TATDN1: variants seen among roughly 807,000 people sequenced by gnomAD.
TATDN1 encodes the protein TatD DNase domain containing 1, also known as deoxyribonuclease TATDN1.
TATDN1 carries 40 observed loss-of-function variants against 46.4 expected under a neutral mutation model. The ratio of observed to expected loss-of-function variants is 0.86; its 90% CI spans 0.67 to 1.12. The LOEUF is 1.12. TATDN1 is among the 50% of genes most tolerant of loss of function. The probability of loss-of-function intolerance (pLI) is 0.00; values close to 1 mark genes in which losing one functional copy is unlikely to be tolerated. For synonymous variants in TATDN1, 95 were observed against 105.6 expected, an observed-to-expected ratio of 0.90 and a Z score of 0.62; for missense variants, 326 against 348.4, an observed-to-expected ratio of 0.94 and a Z score of 0.51.
At chr8:124,499,188 G>C (rs1817735605) in intron 9 of TATDN1, among the ~76,000 whole-genome samples, 2 of 151,876 alleles carry the variant, frequency 1.3e-5, no homozygotes, top group Admixed American at 6.6e-5. Flanking sequence ...AGGAGGGGTG[G>C]GTGAGATGTC....
intron 9 of TATDN1, among the ~76,000 whole-genome samples, chr8:124,499,227 G>A (rs1817737749): frequency 6.6e-6 from 1 of 152,030 alleles, no homozygotes; most frequent in Admixed American, 6.6e-5. Context: ...AGCAATTAGT[G>A]CTCTCTAGAA....
At chr8:124,520,413 G>A (rs979362346) in intron 3 of TATDN1, among the ~76,000 whole-genome samples, 18 of 151,698 alleles carry the variant, frequency 1.2e-4, no homozygotes, top group Admixed American at 4.6e-4. Flanking sequence ...CTCCAGCCTG[G>A]GGGACAGAGC....
chr8:124,538,576 G>A (rs1821701852), intron 1 of TATDN1: 2 of 217,752 alleles, frequency 9.2e-6, no homozygotes, highest in South Asian at 1.2e-4. Flanking sequence ...TCCTAGGCCA[G>A]TGCCAGGCCC....
chr8:124,501,383 G>A (rs371362312), intron 9 of TATDN1, among the ~76,000 whole-genome samples: 26 of 152,016 alleles, frequency 1.7e-4, no homozygotes, highest in African/African-American at 5.1e-4. Context: ...CCAGTTGCTG[G>A]AATGCCTTCT....
chr8:124,530,678 C>G (rs1026534724), intron 1 of TATDN1, among the ~76,000 whole-genome samples: 1 of 152,166 alleles, frequency 6.6e-6, no homozygotes, highest in African/African-American at 2.4e-5. Context: ...AAGCCCTGCT[C>G]AGTTCTGATA....
At chr8:124,522,410 A>G (rs1291263951) in intron 2 of TATDN1, among the ~76,000 whole-genome samples, 1 of 152,144 alleles carries the variant, frequency 6.6e-6, no homozygotes, top group Non-Finnish European at 1.5e-5. Context: ...TTTATCCAAA[A>G]TGCATAATGA....
At chr8:124,514,571 C>A (rs1819296424) in intron 6 of TATDN1, among the ~76,000 whole-genome samples, 1 of 152,120 alleles carries the variant, frequency 6.6e-6, no homozygotes. Context: ...ACACAGTACT[C>A]CATAAATATT....
rs1288145609 is a variant in TATDN1 at position 124,519,653 on chromosome 8, G to A, written c.139-772C>T. On this transcript the variant is annotated intron_variant, in intron 3 of 11. Coordinates refer to ENST00000276692, the MANE Select transcript of TATDN1 (RefSeq NM_032026.4). ...CTCACACAAACAAAAGCTCTTTGGG[G>A]GTCCTCAATAATAAAGAATGTGAAG... 3.3e-5 allele frequency among the ~76,000 whole-genome samples: 5 copies of A among 152,086 alleles called. No individual in the cohort carries two copies. The South Asian group carries it at 6.2e-4, about 19-fold the overall frequency.
At chr8:124,525,591 T>A (rs79765402) in intron 1 of TATDN1, among the ~76,000 whole-genome samples, 1 of 152,052 alleles carries the variant, frequency 6.6e-6, no homozygotes, top group African/African-American at 2.4e-5. Flanking sequence ...AAAATGTGGC[T>A]CAAAACCAAA....
In TATDN1 at chr8:124,504,403, A is replaced by G. The variant is rs1586591466; in HGVS notation, c.517-56T>C. On this transcript the variant is annotated intron_variant, in intron 8 of 11. Transcript: ENST00000276692. ...ATAATAATTACTCTTTAAAATTCTA[A>G]GTGACATTAATAAGACTTTGTAGGC... is the stretch of plus-strand genomic sequence containing the variant. The G allele has an allele frequency of 3.9e-6, 5 of 1,284,906 alleles. No homozygotes were observed. In the East Asian group the frequency reaches 1.3e-4, roughly 34 times the overall value. 79.6% of individuals were successfully genotyped at this position (1,284,906 alleles called of 1,614,324 possible). A position where few individuals can be genotyped will look rare whatever the true frequency, so the allele number is the denominator to read the frequency against.
chr8:124,510,639 C>T (rs1447228091), intron 6 of TATDN1, among the ~76,000 whole-genome samples: 1 of 151,808 alleles, frequency 6.6e-6, no homozygotes, highest in Non-Finnish European at 1.5e-5. Context: ...ACCTGGGCAA[C>T]ATGGTGAAAC....
At chr8:124,525,763 G>GA (rs1465293678) in intron 1 of TATDN1, among the ~76,000 whole-genome samples, 1 of 152,118 alleles carries the variant, frequency 6.6e-6, no homozygotes. Context: ...CCCGATCCAA[G>GA]AATGCATTAT....
chr8:124,523,266 T>C, intron 1 of TATDN1: 1 of 395,526 alleles, frequency 2.5e-6, no homozygotes, highest in Admixed American at 4.2e-5. Flanking sequence ...AAGTAAACAC[T>C]GGTACTATGG....
At chr8:124,524,661 C>G (rs10112325) in intron 1 of TATDN1, among the ~76,000 whole-genome samples, 1 of 152,106 alleles carries the variant, frequency 6.6e-6, no homozygotes, top group Admixed American at 6.5e-5. Context: ...TCTGAGGAAG[C>G]CTTTATTCAA....
chr8:124,530,482 G>A (rs568398364), intron 1 of TATDN1, among the ~76,000 whole-genome samples: 2 of 152,300 alleles, frequency 1.3e-5, no homozygotes, highest in South Asian at 2.1e-4. Context: ...AGGTGACAGT[G>A]CAGGTATGAG....
At chr8:124,535,330 T>C (rs866729609) in intron 1 of TATDN1, among the ~76,000 whole-genome samples, 3 of 152,222 alleles carry the variant, frequency 2.0e-5, no homozygotes, top group South Asian at 4.1e-4. Flanking sequence ...ATAGCTGCAA[T>C]AGAGATCACG....
rs757193108 is a variant in TATDN1, at chr8:124,539,075, A to G, written c.-29T>C. The G allele has an allele frequency of 6.8e-6, 11 of 1,611,896 alleles. No individual in the cohort carries two copies. The highest frequency in any genetic ancestry group is 1.3e-5 in the African/African-American group (1 of 75,006). On this transcript the variant is annotated 5_prime_UTR_variant, in exon 1 of 12. Transcript: ENST00000276692. ...TGCGCATGGAGGACCTCCCCAGCGG[A>G]AGCGGAAGTGGCCGCCGGCAACTCC... is the stretch of plus-strand genomic sequence containing the variant.
intron 11 of TATDN1, 112 bp downstream of exon 11, chr8:124,493,716 GAACCT>G: frequency 1.6e-6 from 2 of 1,223,454 alleles, no homozygotes; most frequent in Non-Finnish European, 1.1e-6. Flanking sequence ...TGGTGGTCTT[GAACCT>G]GAACTTCACT....
In TATDN1 at chr8:124,504,261, A is replaced by C; in HGVS notation, c.593+10T>G. On this transcript the variant is annotated intron_variant, in intron 9 of 11. Transcript: ENST00000276692. ...TAAAAGTTAAAAACCAAAGCAACCTAAGAACGTACCAACCATTAAATCCTA... is the reference window on the plus strand; with the variant it reads ...TAAAAGTTAAAAACCAAAGCAACCTCAGAACGTACCAACCATTAAATCCTA... 6.3e-7 allele frequency: 1 copy of C among 1,585,854 alleles called. No homozygotes were observed. The highest frequency in any genetic ancestry group is 8.6e-7 in the Non-Finnish European group (1 of 1,167,792).
Sources: gnomAD v4.1 joint callset for allele counts (sites outside exome capture counted in the v4.1 genomes callset) on GRCh38, gnomAD v4.1.1 for gene constraint, MANE v1.5 for transcripts, NCBI Gene and HGNC (gene_info 2026-07-23, HGNC 2026-07-21) for gene names.